Variants in UQCRB observed in about 807,000 individuals in gnomAD.
UQCRB encodes cytochrome b-c1 complex subunit 7.
UQCRB carries 12 observed loss-of-function variants against 19.8 expected under a neutral mutation model. That is an observed-to-expected ratio of 0.61 (90% CI 0.39 to 0.98). The LOEUF is 0.98. Among genes scored for constraint, UQCRB ranks in the 50% least tolerant of loss-of-function variants. The pLI is 0.00. For missense variants in UQCRB, 142 were observed against 131.8 expected (o/e 1.08, Z -0.38); for synonymous variants, 39 against 42.9 (o/e 0.91, Z 0.35).
In UQCRB at chr8:96,227,487, C is replaced by T. The variant is rs1217059183; in HGVS notation, c.*3568G>A. The T allele has an allele frequency of 4.4e-6, 2 of 454,114 alleles. No homozygotes were observed. The highest frequency in any genetic ancestry group is 8.8e-6 in the Non-Finnish European group (2 of 226,784). The allele number at this position is 454,114 out of a possible 1,614,324, so 28.1% of individuals were successfully genotyped here. A position where few individuals can be genotyped will look rare whatever the true frequency, so the allele number is the denominator to read the frequency against. On this transcript the variant is annotated 3_prime_UTR_variant, in exon 4 of 4. Transcript: ENST00000287022. Reference sequence around the variant, plus strand: ...GTTTTCCAAAGAGCAACCTGTCTTACTCACTTTCTAACCATCCCTCTCTGA... The same window carrying T: ...GTTTTCCAAAGAGCAACCTGTCTTATTCACTTTCTAACCATCCCTCTCTGA...
rs868696992 is a variant in UQCRB at position 96,227,086 on chromosome 8, T to C, written c.*3969A>G. ...TTAAAACATTTAAAATATTTTAACA[T>C]CTATAGACTTTATTAGGTGTTCCTT... is the stretch of plus-strand genomic sequence containing the variant. On this transcript the variant is annotated 3_prime_UTR_variant, in exon 4 of 4. Coordinates refer to ENST00000287022, the MANE Select transcript of UQCRB (RefSeq NM_006294.5). The C allele has an allele frequency of 4.4e-6, 2 of 453,572 alleles. No individual in the cohort carries two copies. The highest frequency in any genetic ancestry group is 4.4e-6 in the Non-Finnish European group (1 of 226,664). 28.1% of individuals were successfully genotyped at this position (453,572 alleles called of 1,614,324 possible). A position where few individuals can be genotyped will look rare whatever the true frequency, so the allele number is the denominator to read the frequency against.
chr8:96,231,300 TG>T, intron 3 of UQCRB, 168 bp from the exon 4 acceptor site: 1 of 1,553,912 alleles, frequency 6.4e-7, no homozygotes, highest in Non-Finnish European at 8.7e-7. Context: ...AAATCTGTGG[TG>T]ATGGTGTGAT....
intron 2 of UQCRB, chr8:96,232,766 C>T (rs183542331): frequency 2.2e-4 from 38 of 176,552 alleles, no homozygotes; most frequent in African/African-American, 7.2e-4. Flanking sequence ...ACTCGGGAGG[C>T]GGAGGTTGCA....
chr8:96,223,210 G>A lies in UQCRB; in HGVS notation c.*7845C>T, dbSNP rs919303474. 6.6e-6 allele frequency among the ~76,000 whole-genome samples: 1 copy of A among 152,146 alleles called. No individual in the cohort carries two copies. The highest frequency in any genetic ancestry group is 1.5e-5 in the Non-Finnish European group (1 of 68,038). ...ACACACATACACAAAGTACTATCGT[G>A]GTAATGGATATTTTAATTTGCTTGC... is the stretch of plus-strand genomic sequence containing the variant. On this transcript the variant is annotated 3_prime_UTR_variant, in exon 4 of 4. Transcript: ENST00000287022.
chr8:96,233,094 C>A lies in UQCRB; in HGVS notation c.91+62G>T, dbSNP rs550383086. On this transcript the variant is annotated intron_variant, in intron 2 of 3. Transcript: ENST00000287022. ...TGCAAAAGCAATACTCTCAGAAAAA[C>A]AAAAAAAAAAACAAAGAAACAACAA... 2,831 of 1,180,546 alleles carry A rather than the reference C, an allele frequency of 2.4e-3. 40 individuals carry two copies. In the African/African-American group the frequency reaches 0.037, roughly 15 times the overall value. 73.1% of individuals were successfully genotyped at this position (1,180,546 alleles called of 1,614,324 possible).
At position 96,224,409 on chromosome 8, in the gene UQCRB, A is replaced by C. The variant is rs768976886; in HGVS notation, c.*6646T>G. On this transcript the variant is annotated 3_prime_UTR_variant, in exon 4 of 4. Transcript: ENST00000287022. ...CCACCCTCCCCACACTGGCTGGCCA[A>C]GCCCAAGCCAGAAGCCAGAAGGCAA... Among the ~76,000 whole-genome samples the C allele has an allele frequency of 6.6e-6, 1 of 152,146 alleles. No homozygotes were observed. The highest frequency in any genetic ancestry group is 1.5e-5 in the Non-Finnish European group (1 of 68,020).
chr8:96,235,086 C>T (rs1444329894), intron 1 of UQCRB: 21 of 287,672 alleles, frequency 7.3e-5, no homozygotes, highest in Middle Eastern at 1.3e-3. Context: ...AAATTAATAT[C>T]TCCCTCGTCG....
chr8:96,223,033 G>C lies in UQCRB; in HGVS notation c.*8022C>G, dbSNP rs910315909. 6.6e-6 allele frequency among the ~76,000 whole-genome samples: 1 copy of C among 151,226 alleles called. No individual in the cohort carries two copies. The highest frequency in any genetic ancestry group is 2.5e-5 in the African/African-American group (1 of 40,670). On this transcript the variant is annotated 3_prime_UTR_variant, in exon 4 of 4. Coordinates refer to ENST00000287022, the MANE Select transcript of UQCRB (RefSeq NM_006294.5). ...GAATGGTGGTTTCCAGAGTGGGAAG[G>C]ATCAGGAAATGGGGAGAGGTAGGTC...
At chr8:96,231,549 C>A in intron 3 of UQCRB, 1 of 1,442,080 alleles carries the variant, frequency 6.9e-7, no homozygotes, top group South Asian at 1.2e-5. Flanking sequence ...TTAGTCCTGG[C>A]TCTCTATATT....
chr8:96,231,688 A>G, intron 3 of UQCRB, 86 bp downstream of exon 3: 1 of 1,567,828 alleles, frequency 6.4e-7, no homozygotes, highest in Non-Finnish European at 8.8e-7. Context: ...AGAGAACTCT[A>G]ACACTATGCA....
chr8:96,231,972 G>A, intron 2 of UQCRB, 32 bp from the exon 3 acceptor site: 4 of 1,608,594 alleles, frequency 2.5e-6, no homozygotes, highest in African/African-American at 1.3e-5. Flanking sequence ...GATTGCACAT[G>A]CATCTCAAAA....
In UQCRB at chr8:96,225,944, T is replaced by G. The variant is rs1809517501; in HGVS notation, c.*5111A>C. ...CAATTCTGCTCCCCCAGGGGAACATTTCCAGACAATGTCTCAAAACATTTT... is the reference window on the plus strand; with the variant it reads ...CAATTCTGCTCCCCCAGGGGAACATGTCCAGACAATGTCTCAAAACATTTT... On this transcript the variant is annotated 3_prime_UTR_variant, in exon 4 of 4. Coordinates refer to ENST00000287022, the MANE Select transcript of UQCRB (RefSeq NM_006294.5). 1 of 152,124 alleles carries G rather than the reference T, an allele frequency of 6.6e-6. No homozygotes were observed. Among genetic ancestry groups the G allele is most frequent in the African/African-American group, 2.4e-5 (1 of 41,430 alleles). The allele number at this position is 152,124 out of a possible 1,614,324, so 9.4% of individuals were successfully genotyped here. A position where few individuals can be genotyped will look rare whatever the true frequency, so the allele number is the denominator to read the frequency against.
rs1809591257 is a variant in UQCRB at position 96,228,937 on chromosome 8, C to T, written c.*2118G>A. 1 of 453,940 alleles carries T rather than the reference C, an allele frequency of 2.2e-6. No homozygotes were observed. The highest frequency in any genetic ancestry group is 2.4e-5 in the Admixed American group (1 of 42,544). The allele number at this position is 453,940 out of a possible 1,614,324, so 28.1% of individuals were successfully genotyped here. ...CATGGTGATTTTCCACACAGGACGGCTTTTGATAATAGAAAGGCCCTCTCT... is the reference window on the plus strand; with the variant it reads ...CATGGTGATTTTCCACACAGGACGGTTTTTGATAATAGAAAGGCCCTCTCT... On this transcript the variant is annotated 3_prime_UTR_variant, in exon 4 of 4. Coordinates refer to ENST00000287022, the MANE Select transcript of UQCRB (RefSeq NM_006294.5).
At position 96,228,200 on chromosome 8, in the gene UQCRB, T is replaced by C; in HGVS notation, c.*2855A>G. The C allele has an allele frequency of 2.2e-6, 1 of 454,084 alleles. No individual in the cohort carries two copies. The highest frequency in any genetic ancestry group is 4.4e-6 in the Non-Finnish European group (1 of 226,792). 28.1% of individuals were successfully genotyped at this position (454,084 alleles called of 1,614,324 possible). A position where few individuals can be genotyped will look rare whatever the true frequency, so the allele number is the denominator to read the frequency against. On this transcript the variant is annotated 3_prime_UTR_variant, in exon 4 of 4. Transcript: ENST00000287022. ...TAGACCACTTCAGAGTAAACAAACA[T>C]AACTTTCTTCAAGATGTAGGAAAAC...
rs1804263 is a variant in UQCRB at position 96,231,826 on chromosome 8, A to C, written c.206T>G (p.Leu69Arg). The C allele has an allele frequency of 6.2e-7, 1 of 1,614,168 alleles. No individual in the cohort carries two copies. Among genetic ancestry groups the C allele is most frequent in the Admixed American group, 1.7e-5 (1 of 60,016 alleles). Residue 69 changes from leucine (L) to arginine (R), a missense_variant, in exon 3 of 4, where the codon CTG becomes CGG. Coordinates refer to ENST00000287022, the MANE Select transcript of UQCRB (RefSeq NM_006294.5). ...AGGCAAGATCTGATGCTTCAAGTTC[A>C]GGTCCAGTGCCCTCTTAATGCGAAA... The part of the protein sequence containing the change: ...RMFRIKRALD[L>R]NLKHQILPKE...
In UQCRB at chr8:96,225,278, C is replaced by G. The variant is rs186330369; in HGVS notation, c.*5777G>C. ...CAAGTTTAAACAAGAAACTCTCCAA[C>G]CAAATTCACAAAGATTGCTTTTAAT... On this transcript the variant is annotated 3_prime_UTR_variant, in exon 4 of 4. Coordinates refer to ENST00000287022, the MANE Select transcript of UQCRB (RefSeq NM_006294.5). Among the ~76,000 whole-genome samples the G allele has an allele frequency of 2.6e-5, 4 of 152,180 alleles. No individual in the cohort carries two copies. Among genetic ancestry groups the G allele is most frequent in the African/African-American group, 9.7e-5 (4 of 41,438 alleles).
In UQCRB at chr8:96,229,783, G is replaced by A. The variant is rs1361275494; in HGVS notation, c.*1272C>T. ...AGCGAAAGGAAAAAAAAAAGCGGGGGAGGGGGTTCCTAGAGAATTTAAGAG... is the reference window on the plus strand; with the variant it reads ...AGCGAAAGGAAAAAAAAAAGCGGGGAAGGGGGTTCCTAGAGAATTTAAGAG... On this transcript the variant is annotated 3_prime_UTR_variant, in exon 4 of 4. Transcript: ENST00000287022. 2 of 453,638 alleles carry A rather than the reference G, an allele frequency of 4.4e-6. No individual in the cohort carries two copies. Among genetic ancestry groups the A allele is most frequent in the Admixed American group, 2.4e-5 (1 of 42,516 alleles). 28.1% of individuals were successfully genotyped at this position (453,638 alleles called of 1,614,324 possible).
At chr8:96,233,111 A>AAAC (rs200246252) in intron 2 of UQCRB, 45 bp downstream of exon 2, 26 of 1,576,362 alleles carry the variant, frequency 1.6e-5, no homozygotes, top group African/African-American at 5.4e-5. Context: ...AAAAACAAAG[A>AAAC]AACAACAACA....
Position 96,231,870 on chromosome 8 carries a change from G to A in UQCRB, c.162C>T (p.Asn54=), listed in dbSNP as rs1324364787. The change falls in exon 3 of 4, where the codon AAC becomes AAT. Residue 54 remains asparagine (N), a synonymous_variant. Transcript: ENST00000287022. Reference sequence around the variant, plus strand: ...TGCGAAACATCCTGTCATTATAAAGGTTCTCAGGAAGTCTTCTTATGGCTT... The same window carrying A: ...TGCGAAACATCCTGTCATTATAAAGATTCTCAGGAAGTCTTCTTATGGCTT... ...VKEAIRRLPE[N]LYNDRMFRIK... is the part of the protein sequence containing the mutation. 1.9e-6 allele frequency: 3 copies of A among 1,613,958 alleles called. No homozygotes were observed. Among genetic ancestry groups the A allele is most frequent in the African/African-American group, 1.3e-5 (1 of 74,928 alleles).
Sources: allele counts gnomAD v4.1 joint callset (sites outside exome capture counted in the v4.1 genomes callset), GRCh38; gene constraint gnomAD v4.1.1; transcripts MANE v1.5; gene names NCBI Gene and HGNC (gene_info 2026-07-23, HGNC 2026-07-21).